The following PDE4D variants were observed in gnomAD, a reference collection of about 807,000 sequenced individuals.
PDE4D encodes the protein phosphodiesterase 4D.
A neutral mutation model predicts 87.4 loss-of-function variants in PDE4D; 24 were observed. That is an observed-to-expected ratio of 0.27 (90% confidence interval 0.20 to 0.39). The LOEUF (loss-of-function observed/expected upper bound fraction) is 0.39, where lower values mean the gene tolerates loss of function less well. Ranked by LOEUF, PDE4D falls within the 10% of genes least tolerant of loss-of-function variation. The probability of loss-of-function intolerance (pLI) is 1.00; values close to 1 mark genes in which losing one functional copy is unlikely to be tolerated. For missense variants in PDE4D, 714 were observed against 1,041.0 expected (o/e 0.69, Z 4.32); for synonymous variants, 384 against 383.2 (o/e 1.00, Z -0.02).
At chr5:60,241,114 A>G (rs1165789876) in intron 1 of PDE4D, among the ~76,000 whole-genome samples, 14 of 152,118 alleles carry the variant, frequency 9.2e-5, no homozygotes, top group Admixed American at 9.2e-4. Context: ...AGTCAACCCA[A>G]AGAAATTCAA....
chr5:59,026,865 ATACTC>A (rs1207068373), intron 6 of PDE4D, among the ~76,000 whole-genome samples: 3 of 152,212 alleles, frequency 2.0e-5, no homozygotes, highest in African/African-American at 7.2e-5. Context: ...TAATTCCTAT[ATACTC>A]TACACTGTTT....
chr5:59,358,434 A>T (rs751227046), intron 1 of PDE4D, among the ~76,000 whole-genome samples: 1 of 152,214 alleles, frequency 6.6e-6, no homozygotes, highest in African/African-American at 2.4e-5. Flanking sequence ...ACAGGTAGCC[A>T]CTTTCCTGGT....
chr5:59,322,270 C>T (rs1189389660), intron 1 of PDE4D, among the ~76,000 whole-genome samples: 1 of 152,066 alleles, frequency 6.6e-6, no homozygotes, highest in Non-Finnish European at 1.5e-5. Context: ...TCTTATCATT[C>T]ACTCAGTATT....
chr5:59,105,003 A>C (rs2153435436), intron 5 of PDE4D, among the ~76,000 whole-genome samples: 1 of 152,334 alleles, frequency 6.6e-6, no homozygotes, highest in South Asian at 2.1e-4. Flanking sequence ...GCTGTTCCGC[A>C]AGACAGAAGC....
intron 1 of PDE4D, among the ~76,000 whole-genome samples, chr5:60,334,568 T>C (rs1757579974): frequency 6.6e-6 from 1 of 152,100 alleles, no homozygotes; most frequent in African/African-American, 2.4e-5. Flanking sequence ...ACACAAGATG[T>C]GTCCTCTAAT....
At chr5:59,671,491 T>C (rs891191247) in intron 1 of PDE4D, among the ~76,000 whole-genome samples, 2 of 152,160 alleles carry the variant, frequency 1.3e-5, no homozygotes, top group South Asian at 2.1e-4. Context: ...AGAAACCAAG[T>C]ATTTCTTCAT....
At chr5:59,465,063 C>T (rs548994198) in intron 1 of PDE4D, among the ~76,000 whole-genome samples, 4 of 152,258 alleles carry the variant, frequency 2.6e-5, no homozygotes, top group African/African-American at 9.6e-5. Context: ...TCCCATTGTT[C>T]TTAGGGTAGA....
chr5:59,421,043 G>A (rs1470303589), intron 1 of PDE4D, among the ~76,000 whole-genome samples: 1 of 152,124 alleles, frequency 6.6e-6, no homozygotes, highest in East Asian at 1.9e-4. Flanking sequence ...ATGAGTAAAT[G>A]CCGTATGCTT....
intron 1 of PDE4D, among the ~76,000 whole-genome samples, chr5:59,772,940 G>C (rs898222179): frequency 3.9e-5 from 6 of 152,162 alleles, no homozygotes; most frequent in Non-Finnish European, 8.8e-5. Context: ...CTCAGTTCCA[G>C]ATCTGTGAAA....
At chr5:60,506,928 T>C (rs1250719523) in intron 1 of PDE4D, among the ~76,000 whole-genome samples, 1 of 151,936 alleles carries the variant, frequency 6.6e-6, no homozygotes, top group African/African-American at 2.4e-5. Context: ...AAAGAAAAAA[T>C]AAAAAGGAAA....
chr5:59,485,470 T>C (rs1804974392), intron 1 of PDE4D, among the ~76,000 whole-genome samples: 1 of 152,142 alleles, frequency 6.6e-6, no homozygotes, highest in Non-Finnish European at 1.5e-5. Flanking sequence ...TTGAATTTTG[T>C]TTTTTAGATT....
intron 1 of PDE4D, among the ~76,000 whole-genome samples, chr5:59,726,962 C>T (rs565518514): frequency 2.0e-5 from 3 of 151,676 alleles, no homozygotes; most frequent in Admixed American, 6.6e-5. Flanking sequence ...CACTAAGCAC[C>T]GATATACAAA....
In PDE4D at chr5:59,157,152, T is replaced by C. The variant is rs868173225; in HGVS notation, c.808+23443A>G. On this transcript the variant is annotated intron_variant, in intron 5 of 14. Transcript: ENST00000340635. ...AATACCCAGGATGGTACATTTCCAT[T>C]GCTTCACAATTTTTTTTTCTTTCTG... The C allele has an allele frequency of 1.2e-5, 7 of 579,000 alleles. No homozygotes were observed. In the Middle Eastern group the frequency reaches 1.0e-3, roughly 86 times the overall value. The allele number at this position is 579,000 out of a possible 1,614,324, so 35.9% of individuals were successfully genotyped here. A position where few individuals can be genotyped will look rare whatever the true frequency, so the allele number is the denominator to read the frequency against.
At chr5:60,459,921 GTCT>G (rs1231947459) in intron 1 of PDE4D, 3 of 699,224 alleles carry the variant, frequency 4.3e-6, no homozygotes, top group East Asian at 2.7e-5. Context: ...CATCTTCATT[GTCT>G]TCTTCATTAG....
chr5:59,430,647 C>G, intron 1 of PDE4D: 1 of 323,706 alleles, frequency 3.1e-6, no homozygotes, highest in Non-Finnish European at 5.6e-6. Flanking sequence ...TTATTTCTAA[C>G]CAGGCTCATG....
intron 1 of PDE4D, among the ~76,000 whole-genome samples, chr5:59,725,298 GTTT>G (rs1192884715): frequency 2.0e-5 from 3 of 151,994 alleles, no homozygotes; most frequent in Non-Finnish European, 2.9e-5. Flanking sequence ...GTTTCCCTGA[GTTT>G]TGCTCACTGC....
chr5:59,984,246 A>AATAG (rs10665548), intron 3 of PDE4D, among the ~76,000 whole-genome samples: 95,090 of 151,734 alleles, frequency 0.63, 32,221 homozygotes, highest in East Asian at 0.83. Flanking sequence ...TATGAAAGGT[A>AATAG]ATAGAAAATT....
chr5:60,437,542 T>C (rs1744858310), intron 1 of PDE4D, among the ~76,000 whole-genome samples: 2 of 152,136 alleles, frequency 1.3e-5, no homozygotes, highest in African/African-American at 4.8e-5. Context: ...TCCAAGGTTC[T>C]CTCTGTTTCC....
chr5:59,706,750 A>G (rs1753465263), intron 1 of PDE4D, among the ~76,000 whole-genome samples: 1 of 152,168 alleles, frequency 6.6e-6, no homozygotes, highest in Admixed American at 6.5e-5. Flanking sequence ...TAGAAAGAAC[A>G]TAAAATTGAC....
Sources: allele counts gnomAD v4.1 joint callset (sites outside exome capture counted in the v4.1 genomes callset), GRCh38; gene constraint gnomAD v4.1.1; transcripts MANE v1.5; gene names NCBI Gene and HGNC (gene_info 2026-07-23, HGNC 2026-07-21).